The following MUC4 variants were observed in gnomAD, a reference collection of about 807,000 sequenced individuals.
MUC4 encodes mucin-4.
In MUC4, 202 loss-of-function variants were observed where a neutral mutation model predicts 257.9. The ratio of observed to expected loss-of-function variants is 0.78; its 90% CI spans 0.70 to 0.88. MUC4 has a LOEUF of 0.88. Among genes scored for constraint, MUC4 ranks in the 40% least tolerant of loss-of-function variants. The probability of loss-of-function intolerance (pLI) is 0.00; values close to 1 mark genes in which losing one functional copy is unlikely to be tolerated. For synonymous variants in MUC4, 2,351 were observed against 2,757.1 expected (o/e 0.85, Z 4.62); for missense variants, 5,976 against 6,513.7 (o/e 0.92, Z 2.84).
At chr3:195,767,907 T>TCATTGCCAC (rs1721862601) in intron 7 of MUC4, among the ~76,000 whole-genome samples, 1 of 63,258 alleles carries the variant, frequency 1.6e-5, no homozygotes, top group Non-Finnish European at 3.2e-5. Flanking sequence ...ATCACCACCA[T>TCATTGCCAC]CACCATCGCC....
intron 1 of MUC4, among the ~76,000 whole-genome samples, chr3:195,799,074 C>T (rs1021592790): frequency 2.0e-5 from 3 of 152,222 alleles, no homozygotes; most frequent in South Asian, 2.1e-4. Flanking sequence ...GGTCTCTCTC[C>T]TGTACCACAT....
At position 195,791,258 on chromosome 3, in the gene MUC4, G is replaced by A. The variant is rs1366434811; in HGVS notation, c.322C>T (p.His108Tyr). The A allele has an allele frequency of 6.8e-6, 3 of 441,404 alleles. No individual in the cohort carries two copies. The highest frequency in any genetic ancestry group is 5.5e-5 in the East Asian group (1 of 18,248). 27.3% of individuals were successfully genotyped at this position (441,404 alleles called of 1,614,324 possible). A position where few individuals can be genotyped will look rare whatever the true frequency, so the allele number is the denominator to read the frequency against. The change falls in exon 2 of 25, where the codon CAC becomes TAC. Residue 108 changes from histidine to tyrosine, a missense_variant. His to Tyr is a moderately conservative substitution (Grantham distance 83). Coordinates refer to ENST00000463781, the MANE Select transcript of MUC4 (RefSeq NM_018406.7). ...TSTLFSSPSV[H>Y]NVMETAPPDE... ...GGAGGAGCTGTCTCCATCACATTGT[G>A]TACACTTGGGGAAGAAAAAAGAGTT...
In MUC4 at chr3:195,782,357, C is replaced by A. The variant is rs1226318598; in HGVS notation, c.9223G>T (p.Val3075Phe). The change falls in exon 2 of 25, where the codon GTC becomes TTC. Residue 3075 changes from valine (V) to phenylalanine (F), a missense_variant. Coordinates refer to ENST00000463781, the MANE Select transcript of MUC4 (RefSeq NM_018406.7). ...GTGGATGCTGAGGAAGTGTCGGTGA[C>A]AGGAAGCGGGGTGGCGTGACCGGTG... ...ASTGHATPLP[V>F]TDTSSASTGH... 1 of 1,445,788 alleles carries A rather than the reference C, an allele frequency of 6.9e-7. No homozygotes were observed. The highest frequency in any genetic ancestry group is 9.2e-7 in the Non-Finnish European group (1 of 1,083,792). The allele number at this position is 1,445,788 out of a possible 1,614,324, so 89.6% of individuals were successfully genotyped here.
At position 195,810,693 on chromosome 3, in the gene MUC4, G is replaced by A. The variant is rs951545925; in HGVS notation, c.82+1043C>T. On this transcript the variant is annotated intron_variant, in intron 1 of 24. Transcript: ENST00000463781. This position sits in a 1 kb window ranked among gnomAD's most constrained non-coding sequence, Gnocchi z 4.2. ...GCCGCCTCCTCCGCACCACCCTCCC[G>A]GCCGGCCTGCCCCTCTCCTCCTTGT... Among the ~76,000 whole-genome samples, 1 of 152,172 alleles carries A rather than the reference G, an allele frequency of 6.6e-6. No homozygotes were observed. Among genetic ancestry groups the A allele is most frequent in the East Asian group, 1.9e-4 (1 of 5,156 alleles).
intron 3 of MUC4, among the ~76,000 whole-genome samples, chr3:195,776,305 C>A (rs1724695734): frequency 3.3e-5 from 4 of 120,608 alleles, no homozygotes; most frequent in Admixed American, 7.5e-5. Context: ...CCATACCTTC[C>A]ACACCCATAC....
In MUC4 at chr3:195,778,846, C is replaced by T. The variant is rs765376337; in HGVS notation, c.12734G>A (p.Ser4245Asn). The change falls in exon 2 of 25, where the codon AGT becomes AAT. Residue 4245 changes from serine to asparagine, a missense_variant. By Grantham distance (46) the Ser-to-Asn change is conservative (BLOSUM62 1). Coordinates refer to ENST00000463781, the MANE Select transcript of MUC4 (RefSeq NM_018406.7). ...GGATACTGTGGAAGCTGAGGTAGCA[C>T]TGCTGACAGCAAGAGGGGTGGCGTG... ...TGHATPLAVS[S>N]ATSASTVSSD... 5.6e-6 allele frequency: 9 copies of T among 1,611,258 alleles called. No homozygotes were observed. The highest frequency in any genetic ancestry group is 7.6e-6 in the Non-Finnish European group (9 of 1,179,290).
intron 8 of MUC4, 135 bp downstream of exon 8, chr3:195,766,528 T>G: frequency 2.7e-6 from 2 of 743,882 alleles, no homozygotes; most frequent in South Asian, 1.7e-5. Flanking sequence ...CTGTAGGAGG[T>G]TGAACTGTGT....
chr3:195,788,713 G>T lies in MUC4; in HGVS notation c.2867C>A (p.Thr956Asn). The T allele has an allele frequency of 1.9e-6, 3 of 1,612,750 alleles. No individual in the cohort carries two copies. Among genetic ancestry groups the T allele is most frequent in the Non-Finnish European group, 2.5e-6 (3 of 1,179,804 alleles). Residue 956 changes from threonine (T) to asparagine (N), a missense_variant, in exon 2 of 25, where the codon ACT becomes AAT. Transcript: ENST00000463781. ...GLTSPQTETHTLSPSGSGKTF... is the reference protein window; with the variant it reads ...GLTSPQTETHNLSPSGSGKTF... ...TTTACCAGACCCTGAAGGTGACAGA[G>T]TGTGGGTCTCGGTTTGTGGAGATGT...
intron 16 of MUC4, among the ~76,000 whole-genome samples, chr3:195,760,054 T>G (rs1415578053): frequency 6.6e-6 from 1 of 151,232 alleles, no homozygotes; most frequent in Non-Finnish European, 1.5e-5. Flanking sequence ...TCATAGTTGC[T>G]TCACACATTC....
intron 10 of MUC4, among the ~76,000 whole-genome samples, chr3:195,764,692 A>G (rs1042639042): frequency 1.3e-5 from 2 of 151,864 alleles, no homozygotes; most frequent in East Asian, 3.9e-4. Flanking sequence ...TCTTCCCCCA[A>G]ACATCCTGCT....
chr3:195,764,406 TG>T (rs987138167), intron 10 of MUC4, among the ~76,000 whole-genome samples: 5 of 152,106 alleles, frequency 3.3e-5, no homozygotes, highest in African/African-American at 1.2e-4. Flanking sequence ...CTCATGACCT[TG>T]GGCAGTGAAT....
intron 7 of MUC4, among the ~76,000 whole-genome samples, chr3:195,767,533 A>C (rs1721027968): frequency 7.8e-6 from 1 of 128,676 alleles, no homozygotes; most frequent in Admixed American, 7.3e-5. Flanking sequence ...CACCATCGCC[A>C]CCACCATCAT....
chr3:195,774,602 T>G (rs1723917486), intron 3 of MUC4, among the ~76,000 whole-genome samples: 1 of 152,096 alleles, frequency 6.6e-6, no homozygotes, highest in African/African-American at 2.4e-5. Flanking sequence ...CTTTTCAGGG[T>G]TAAAAGACAA....
intron 7 of MUC4, among the ~76,000 whole-genome samples, chr3:195,767,654 C>CCATCATCACCAT (rs1342079921): frequency 1.1e-5 from 1 of 88,138 alleles, no homozygotes; most frequent in Non-Finnish European, 2.0e-5. Flanking sequence ...GCCACCACCA[C>CCATCATCACCAT]CACCACCACC....
Position 195,789,855 on chromosome 3 carries a change from TC to T in MUC4, c.1724del (p.Gly575GlufsTer12). The T allele has an allele frequency of 6.2e-7, 1 of 1,612,930 alleles. No homozygotes were observed. Among genetic ancestry groups the T allele is most frequent in the Non-Finnish European group, 8.5e-7 (1 of 1,179,422 alleles). ...TQWTQETGTT[G>X]EALLSSPSYS... is the part of the protein sequence containing the mutation. ...AGCTTGGGCTGCTGAGAAGAGCCTCTCCAGTGGTCCCCGTTTCTTGTGTCCA... is the reference window on the plus strand; with the variant it reads ...AGCTTGGGCTGCTGAGAAGAGCCTCTCAGTGGTCCCCGTTTCTTGTGTCCA... On this transcript the variant is annotated frameshift_variant, in exon 2 of 25. Transcript: ENST00000463781. LOFTEE classifies it high-confidence loss of function.
intron 3 of MUC4, among the ~76,000 whole-genome samples, chr3:195,775,272 G>A (rs1305783487): frequency 6.6e-6 from 1 of 151,932 alleles, no homozygotes; most frequent in Non-Finnish European, 1.5e-5. Context: ...CCCGCATGCC[G>A]GCCGCACTTT....
chr3:195,774,131 C>A, intron 4 of MUC4, 41 bp downstream of exon 4: 2 of 1,565,244 alleles, frequency 1.3e-6, no homozygotes, highest in Non-Finnish European at 8.6e-7. Context: ...GAGAAGTGGG[C>A]CCTGGGAGTT....
intron 24 of MUC4, among the ~76,000 whole-genome samples, 190 bp from the exon 25 acceptor site, chr3:195,747,570 A>T (rs1715305310): frequency 6.6e-6 from 1 of 152,284 alleles, no homozygotes; most frequent in African/African-American, 2.4e-5. Flanking sequence ...GTGGGCTTTA[A>T]AAACATGGGC....
chr3:195,790,932 G>C lies in MUC4; in HGVS notation c.648C>G (p.His216Gln). Residue 216 changes from histidine (H) to glutamine (Q), a missense_variant, in exon 2 of 25, where the codon CAC becomes CAG. By Grantham distance (24) the His-to-Gln change is conservative. Transcript: ENST00000463781. ...AGAAAGAAGGAGTTGAAGTGGTTCT[G>C]TGTGTTAGGGTGCTGGTTTGAGATT... ...TRESQTSTLT[H>Q]RTTSTPSFSP... 1 of 1,613,940 alleles carries C rather than the reference G, an allele frequency of 6.2e-7. No homozygotes were observed. Among genetic ancestry groups the C allele is most frequent in the Non-Finnish European group, 8.5e-7 (1 of 1,179,862 alleles).
Sources: gnomAD v4.1 joint callset for allele counts (sites outside exome capture counted in the v4.1 genomes callset) on GRCh38, gnomAD v4.1.1 for gene constraint, Gnocchi (gnomAD v3.1) non-coding constraint, MANE v1.5 for transcripts, NCBI Gene and HGNC (gene_info 2026-07-23, HGNC 2026-07-21) for gene names.